Variants in FOXP1 observed in about 807,000 individuals in gnomAD.
FOXP1 encodes forkhead box protein P1.
A neutral mutation model predicts 98.2 loss-of-function variants in FOXP1; 15 were observed. The ratio of observed to expected loss-of-function variants is 0.15; its 90% CI spans 0.10 to 0.24. The LOEUF is 0.24. FOXP1 is among the 10% of genes least tolerant of loss of function. FOXP1 has a pLI of 1.00. For synonymous variants in FOXP1, 371 were observed against 314.5 expected (o/e 1.18, Z -1.90); for missense variants, 633 against 848.5 (o/e 0.75, Z 3.15).
intron 7 of FOXP1, among the ~76,000 whole-genome samples, chr3:71,107,344 AT>A (rs1311222758): frequency 1.3e-5 from 2 of 152,156 alleles, no homozygotes; most frequent in African/African-American, 4.8e-5. Flanking sequence ...TGGATGTGAC[AT>A]TCTGTGTTCA....
At chr3:71,014,592 C>G (rs115704063) in intron 12 of FOXP1, among the ~76,000 whole-genome samples, 4,827 of 152,200 alleles carry the variant, frequency 0.032, 263 homozygotes, top group African/African-American at 0.11. Flanking sequence ...GGCGATTCCT[C>G]GAGGATCTAA....
At chr3:71,163,250 A>G (rs760125740) in intron 6 of FOXP1, among the ~76,000 whole-genome samples, 10 of 152,236 alleles carry the variant, frequency 6.6e-5, no homozygotes, top group Non-Finnish European at 1.5e-4. Context: ...AATGATTTAT[A>G]GGTGAAATTA....
At chr3:71,582,398 C>T (rs925349358) in intron 1 of FOXP1, 1 of 982,796 alleles carries the variant, frequency 1.0e-6, no homozygotes, top group Non-Finnish European at 1.2e-6. Flanking sequence ...CCGTGGTCCC[C>T]ACTCGAAGCG....
chr3:71,449,867 G>A (rs1373657089), intron 3 of FOXP1, among the ~76,000 whole-genome samples: 2 of 152,146 alleles, frequency 1.3e-5, no homozygotes, highest in Admixed American at 6.5e-5. Context: ...CCATAACAAA[G>A]TATAACTAAA....
intron 10 of FOXP1, among the ~76,000 whole-genome samples, chr3:71,043,442 G>A (rs1316005849): frequency 6.6e-6 from 1 of 152,038 alleles, no homozygotes; most frequent in Non-Finnish European, 1.5e-5. Flanking sequence ...AACACCTTTC[G>A]AAGTGACAGG....
intron 6 of FOXP1, among the ~76,000 whole-genome samples, chr3:71,126,888 AAC>A (rs1328973958): frequency 1.9e-4 from 19 of 102,238 alleles, no homozygotes; most frequent in African/African-American, 5.2e-4. Context: ...AAAAAACAAA[AAC>A]AAAAAAAAAA....
chr3:71,510,216 C>T (rs530262495), intron 2 of FOXP1, among the ~76,000 whole-genome samples: 2 of 151,964 alleles, frequency 1.3e-5, no homozygotes, highest in African/African-American at 2.4e-5. Context: ...AGGCCATGTG[C>T]GGTAGCTCAT....
chr3:71,368,384 C>G (rs2079065188), intron 3 of FOXP1, among the ~76,000 whole-genome samples: 1 of 152,142 alleles, frequency 6.6e-6, no homozygotes. Flanking sequence ...GCTTTGGCCT[C>G]CCAAAGTGCT....
At chr3:71,361,534 C>A (rs945971932) in intron 3 of FOXP1, among the ~76,000 whole-genome samples, 2 of 152,286 alleles carry the variant, frequency 1.3e-5, no homozygotes, top group South Asian at 4.1e-4. Context: ...TGCTCACACT[C>A]GATTGCAGGT....
intron 7 of FOXP1, among the ~76,000 whole-genome samples, chr3:71,057,291 CTTTTTTTTTTTTTTTT>C (rs10670020): frequency 0.031 from 230 of 7,480 alleles, 2 homozygotes; most frequent in African/African-American, 0.042. Flanking sequence ...AAAAACGAAA[CTTTTTTTTTTTTTTTT>C]TTTTTTTTTT....
intron 6 of FOXP1, among the ~76,000 whole-genome samples, chr3:71,154,099 T>TTC (rs1560031698): frequency 7.3e-5 from 11 of 150,426 alleles, no homozygotes; most frequent in African/African-American, 2.7e-4. Context: ...TCTTCTTCTT[T>TTC]TTTTTTGCAA....
intron 6 of FOXP1, among the ~76,000 whole-genome samples, chr3:71,123,565 T>C (rs2058939434): frequency 6.6e-6 from 1 of 152,036 alleles, no homozygotes; most frequent in African/African-American, 2.4e-5. Flanking sequence ...AGAGTACAGG[T>C]CTTTTCCTTT....
chr3:71,406,988 C>T (rs576817337), intron 3 of FOXP1, among the ~76,000 whole-genome samples: 7 of 152,194 alleles, frequency 4.6e-5, no homozygotes, highest in South Asian at 2.1e-4. Flanking sequence ...GCATTTCTCC[C>T]GCCACAACAG....
chr3:71,160,151 G>A lies in FOXP1; in HGVS notation c.180+38051C>T, dbSNP rs538329466. ...CCTCACCACGCTGTTCTTGCCACCC[G>A]GCTGGTTTTCAATTGACACTGCCGT... On this transcript the variant is annotated intron_variant, in intron 6 of 20. Transcript: ENST00000649528. Among the ~76,000 whole-genome samples the A allele has an allele frequency of 3.3e-5, 5 of 152,284 alleles. No homozygotes were observed. In the East Asian group the frequency reaches 7.7e-4, roughly 24 times the overall value.
intron 3 of FOXP1, among the ~76,000 whole-genome samples, chr3:71,409,122 G>C (rs1257106633): frequency 2.6e-5 from 4 of 152,112 alleles, no homozygotes; most frequent in African/African-American, 7.2e-5. Context: ...TCTCATTCAG[G>C]AATGGTCTTC....
chr3:71,485,771 C>CA (rs545900035), intron 3 of FOXP1, among the ~76,000 whole-genome samples: 16,656 of 111,754 alleles, frequency 0.15, 1,297 homozygotes, highest in Middle Eastern at 0.29. Flanking sequence ...GAGACTCCAT[C>CA]AAAAAAAAAA....
chr3:71,404,704 T>G (rs1306476375), intron 3 of FOXP1, among the ~76,000 whole-genome samples: 1 of 152,166 alleles, frequency 6.6e-6, no homozygotes, highest in African/African-American at 2.4e-5. Flanking sequence ...TACAAGAAAG[T>G]GCAGGCAAAT....
intron 3 of FOXP1, among the ~76,000 whole-genome samples, chr3:71,414,073 C>T (rs1371433258): frequency 6.6e-6 from 1 of 151,942 alleles, no homozygotes; most frequent in Non-Finnish European, 1.5e-5. Flanking sequence ...GGGTTGCTGG[C>T]CACCCAAGGC....
At chr3:71,062,077 G>T (rs2051585437) in intron 7 of FOXP1, among the ~76,000 whole-genome samples, 1 of 152,134 alleles carries the variant, frequency 6.6e-6, no homozygotes, top group Non-Finnish European at 1.5e-5. Flanking sequence ...CAAGTGACAG[G>T]TCCTGACAAC....
Sources: gnomAD v4.1 joint callset for allele counts (sites outside exome capture counted in the v4.1 genomes callset) on GRCh38, gnomAD v4.1.1 for gene constraint, MANE v1.5 for transcripts, NCBI Gene and HGNC (gene_info 2026-07-23, HGNC 2026-07-21) for gene names.